Variants in CCNF observed in about 807,000 individuals in gnomAD.
CCNF encodes the protein cyclin F, also known as cyclin-F.
Under a neutral mutation model 85.4 loss-of-function variants are expected in CCNF, and 30 were observed. The observed-to-expected ratio is 0.35, with a 90% CI of 0.26 to 0.48. The LOEUF is 0.48. Ranked by LOEUF, CCNF falls within the 20% of genes least tolerant of loss-of-function variation. The probability of loss-of-function intolerance (pLI) is 0.99; values close to 1 mark genes in which losing one functional copy is unlikely to be tolerated. For missense variants in CCNF, 919 were observed against 1,010.4 expected (o/e 0.91, Z 1.23); for synonymous variants, 439 against 425.1 (o/e 1.03, Z -0.40).
At chr16:2,449,630 G>A (rs1488643443) in intron 12 of CCNF, among the ~76,000 whole-genome samples, 168 bp downstream of exon 12, 1 of 152,172 alleles carries the variant, frequency 6.6e-6, no homozygotes, top group South Asian at 2.1e-4. Context: ...CTGACCATGA[G>A]CCTGCACGCC....
chr16:2,440,029 C>G (rs935913716), intron 8 of CCNF, among the ~76,000 whole-genome samples: 2 of 152,198 alleles, frequency 1.3e-5, no homozygotes, highest in African/African-American at 4.8e-5. Flanking sequence ...CTGGGAAATG[C>G]GTTATTCATC....
In CCNF at chr16:2,453,578, C is replaced by T. The variant is rs756147458; in HGVS notation, c.1715+41C>T. On this transcript the variant is annotated intron_variant, in intron 15 of 16. Coordinates refer to ENST00000397066, the MANE Select transcript of CCNF (RefSeq NM_001761.3). This position sits in a 1 kb window ranked among gnomAD's most constrained non-coding sequence, Gnocchi z 5.6. ...TTCTGGCTGCGCCATACAATGCTGG[C>T]ATCCTCGTGCCGGCCCAGTTCCCTC... The T allele has an allele frequency of 2.6e-5, 42 of 1,611,420 alleles. 1 individual carries two copies. The Admixed American group carries it at 6.7e-4, about 26-fold the overall frequency.
intron 15 of CCNF, among the ~76,000 whole-genome samples, 159 bp from the exon 16 acceptor site, chr16:2,455,236 T>A (rs1596933185): frequency 6.6e-6 from 1 of 152,346 alleles, no homozygotes; most frequent in Middle Eastern, 3.4e-3. Context: ...GAAGGGCTTA[T>A]ACCTGTTCTA....
At position 2,453,703 on chromosome 16, in the gene CCNF, C is replaced by T. The variant is rs1452973392; in HGVS notation, c.1715+166C>T. Among the ~76,000 whole-genome samples, 1 of 152,168 alleles carries T rather than the reference C, an allele frequency of 6.6e-6. No homozygotes were observed. Among genetic ancestry groups the T allele is most frequent in the Non-Finnish European group, 1.5e-5 (1 of 68,024 alleles). On this transcript the variant is annotated intron_variant, in intron 15 of 16. Transcript: ENST00000397066. This position sits in a 1 kb window ranked among gnomAD's most constrained non-coding sequence, Gnocchi z 5.6. ...GGAGCCCTGCAGTCATGCCTCGGGC[C>T]CCTGCGTAACCTCCACTGTCTCCAG...
In CCNF at chr16:2,435,874, G is replaced by C. The variant is rs370702853; in HGVS notation, c.346+1G>C. ...ATAGCCTACCTCTACAATGAAGGCC[G>C]TAAGTCCTCACCCCACCTGCATGTT... is the stretch of plus-strand genomic sequence containing the variant. On this transcript the variant is annotated splice_donor_variant, in intron 4 of 16. Transcript: ENST00000397066. LOFTEE classifies it high-confidence loss of function. 2 of 1,610,828 alleles carry C rather than the reference G, an allele frequency of 1.2e-6. No homozygotes were observed. Among genetic ancestry groups the C allele is most frequent in the Non-Finnish European group, 1.7e-6 (2 of 1,177,348 alleles).
chr16:2,437,301 G>A lies in CCNF; in HGVS notation c.519G>A (p.Arg173=). Reference sequence around the variant, plus strand: ...AGGCCGTGGTTCACGAGAGCCTCAGGGCAGAGTGCCAGCTGCAGAGGGTGA... The same window carrying A: ...AGGCCGTGGTTCACGAGAGCCTCAGAGCAGAGTGCCAGCTGCAGAGGGTGA... The part of the protein sequence containing the change: ...CCKAVVHESL[R]AECQLQRTHK... The change falls in exon 5 of 17, where the codon AGG becomes AGA. Residue 173 remains arginine, a synonymous_variant. Transcript: ENST00000397066. The A allele has an allele frequency of 6.3e-7, 1 of 1,598,112 alleles. No homozygotes were observed. The highest frequency in any genetic ancestry group is 8.5e-7 in the Non-Finnish European group (1 of 1,172,950).
intron 10 of CCNF, among the ~76,000 whole-genome samples, chr16:2,446,384 G>A (rs1456732023): frequency 1.3e-5 from 2 of 152,224 alleles, no homozygotes; most frequent in Non-Finnish European, 2.9e-5. Context: ...CCCCACTGGT[G>A]CCCTGCAGAG....
At chr16:2,435,725 T>C in intron 3 of CCNF, 81 bp from the exon 4 acceptor site, 1 of 810,372 alleles carries the variant, frequency 1.2e-6, no homozygotes, top group Non-Finnish European at 2.1e-6. Flanking sequence ...GAACAAGTAT[T>C]CTGACTTCTT....
chr16:2,446,223 G>T (rs1318794963), intron 10 of CCNF, among the ~76,000 whole-genome samples: 1 of 148,778 alleles, frequency 6.7e-6, no homozygotes, highest in Non-Finnish European at 1.5e-5. Flanking sequence ...CGCTCTGGCA[G>T]GCACAGGCTG....
In CCNF at chr16:2,456,262, A is replaced by T; in HGVS notation, c.1886-283A>T. ...ACTGCGGGGTCCTTGCCAGAAGCCC[A>T]GTTAGTGTGAGTCCTGTCAGTTTCC... On this transcript the variant is annotated intron_variant, in intron 16 of 16. Transcript: ENST00000397066. The surrounding 1 kb of genome is among the most constrained non-coding windows in gnomAD (Gnocchi z 4.5). 2.6e-6 allele frequency: 1 copy of T among 387,424 alleles called. No homozygotes were observed. Among genetic ancestry groups the T allele is most frequent in the Non-Finnish European group, 4.7e-6 (1 of 214,874 alleles). 24.0% of individuals were successfully genotyped at this position (387,424 alleles called of 1,614,324 possible).
intron 10 of CCNF, 27 bp from the exon 11 acceptor site, chr16:2,448,828 C>T: frequency 1.9e-6 from 3 of 1,610,940 alleles, no homozygotes; most frequent in Non-Finnish European, 2.5e-6. Flanking sequence ...GTGGGCTCCA[C>T]CCTGAGACCC....
Position 2,452,425 on chromosome 16 carries a change from C to T in CCNF, c.1488-785C>T, listed in dbSNP as rs2065400061. 6.6e-6 allele frequency among the ~76,000 whole-genome samples: 1 copy of T among 152,232 alleles called. No individual in the cohort carries two copies. Among genetic ancestry groups the T allele is most frequent in the East Asian group, 1.9e-4 (1 of 5,202 alleles). The stretch of plus-strand genomic sequence containing the variant: ...AAGGGTTCGCATGGGTCTCGTCCCA[C>T]CCACCTTTGCTTATGGGGAGCACAG... On this transcript the variant is annotated intron_variant, in intron 13 of 16. Coordinates refer to ENST00000397066, the MANE Select transcript of CCNF (RefSeq NM_001761.3). This position sits in a 1 kb window ranked among gnomAD's most constrained non-coding sequence, Gnocchi z 4.1.
chr16:2,437,709 TGAAATCTC>T (rs1410545546), intron 5 of CCNF: 4 of 317,818 alleles, frequency 1.3e-5, no homozygotes, highest in Non-Finnish European at 2.4e-5. Context: ...GGCAACATGA[TGAAATCTC>T]GAAACCTCGT....
Position 2,442,453 on chromosome 16 carries a change from TATA to T in CCNF, c.778-1192_778-1190del, listed in dbSNP as rs555485972. Among the ~76,000 whole-genome samples, 61 of 7,126 alleles carry T rather than the reference TATA, an allele frequency of 8.6e-3. 1 individual carries two copies. Among genetic ancestry groups the T allele is most frequent in the African/African-American group, 0.019 (6 of 322 alleles). 4.7% of individuals were successfully genotyped at this position (7,126 alleles called of 152,430 possible). ...TTATTATATATAATATATAATATTA[TATA>T]ATATAATATTATTATATATAATATA... On this transcript the variant is annotated intron_variant, in intron 8 of 16. Coordinates refer to ENST00000397066, the MANE Select transcript of CCNF (RefSeq NM_001761.3).
chr16:2,449,426 G>T lies in CCNF; in HGVS notation c.1363G>T (p.Ala455Ser). The T allele has an allele frequency of 6.2e-7, 1 of 1,609,020 alleles. No individual in the cohort carries two copies. Among genetic ancestry groups the T allele is most frequent in the East Asian group, 2.2e-5 (1 of 44,878 alleles). ...SAYAPARLAA[A>S]ALLLARLTHG... ...CTACGCCCCAGCCCGCCTGGCTGCCGCAGCCCTGCTCCTGGCCAGACTGAC... is the reference window on the plus strand; with the variant it reads ...CTACGCCCCAGCCCGCCTGGCTGCCTCAGCCCTGCTCCTGGCCAGACTGAC... The change falls in exon 12 of 17, where the codon GCA becomes TCA. Residue 455 changes from alanine (A) to serine (S), a missense_variant. Ala to Ser is a moderately conservative substitution (Grantham distance 99). Around this residue, in one of 3 missense-constraint regions of CCNF, gnomAD observed 505 missense variants for 514.8 expected, o/e 0.98. Coordinates refer to ENST00000397066, the MANE Select transcript of CCNF (RefSeq NM_001761.3).
rs2065426924 is a variant in CCNF, at chr16:2,456,239, T to C, written c.1886-306T>C. On this transcript the variant is annotated intron_variant, in intron 16 of 16. Transcript: ENST00000397066. The surrounding 1 kb of genome is among the most constrained non-coding windows in gnomAD (Gnocchi z 4.5). Reference sequence around the variant, plus strand: ...TGCCCTGTGCAAACCCCAGGCAGACTGCGGGGTCCTTGCCAGAAGCCCAGT... The same window carrying C: ...TGCCCTGTGCAAACCCCAGGCAGACCGCGGGGTCCTTGCCAGAAGCCCAGT... 5 of 342,818 alleles carry C rather than the reference T, an allele frequency of 1.5e-5. No individual in the cohort carries two copies. The highest frequency in any genetic ancestry group is 2.1e-5 in the Non-Finnish European group (4 of 186,840). 21.2% of individuals were successfully genotyped at this position (342,818 alleles called of 1,614,324 possible).
At position 2,457,018 on chromosome 16, in the gene CCNF, T is replaced by G; in HGVS notation, c.2359T>G (p.Ter787GluextTer24). The G allele has an allele frequency of 6.3e-7, 1 of 1,575,158 alleles. No homozygotes were observed. Among genetic ancestry groups the G allele is most frequent in the Non-Finnish European group, 8.6e-7 (1 of 1,158,632 alleles). Residue 787 changes from the stop codon to glutamate (E), a stop_lost, in exon 17 of 17, where the codon TAA becomes GAA. Coordinates refer to ENST00000397066, the MANE Select transcript of CCNF (RefSeq NM_001761.3). ...CATGAACCTGGGCCTTGTGAGGCTGTAAGTGTGTCAGCACATTTGCCGCAG... is the reference window on the plus strand; with the variant it reads ...CATGAACCTGGGCCTTGTGAGGCTGGAAGTGTGTCAGCACATTTGCCGCAG... ...EDMNLGLVRL* is the reference protein window; with the variant it reads ...EDMNLGLVRLE
At chr16:2,442,150 CATT>C in intron 8 of CCNF, among the ~76,000 whole-genome samples, 1 of 144,044 alleles carries the variant, frequency 6.9e-6, no homozygotes, top group South Asian at 2.1e-4. Context: ...GGACTACAGG[CATT>C]GCACCACCAC....
chr16:2,445,862 G>T (rs2065359760), intron 10 of CCNF, among the ~76,000 whole-genome samples: 1 of 152,030 alleles, frequency 6.6e-6, no homozygotes, highest in Admixed American at 6.6e-5. Flanking sequence ...AGAGTAGCTG[G>T]GACTGCAGGC....
Sources: gnomAD v4.1 joint callset for allele counts (sites outside exome capture counted in the v4.1 genomes callset) on GRCh38, gnomAD v4.1.1 for gene constraint, gnomAD v4.1.1 regional missense constraint, Gnocchi (gnomAD v3.1) non-coding constraint, MANE v1.5 for transcripts, NCBI Gene and HGNC (gene_info 2026-07-23, HGNC 2026-07-21) for gene names.